The following SLC7A9 variants were observed in gnomAD, a reference collection of about 807,000 sequenced individuals.
SLC7A9 encodes the protein B(0,+)-type amino acid transporter 1.
A neutral mutation model predicts 54.1 loss-of-function variants in SLC7A9; 38 were observed. The observed-to-expected ratio is 0.70, with a 90% confidence interval of 0.54 to 0.92. The LOEUF is 0.92. Ranked by LOEUF, SLC7A9 falls within the 40% of genes least tolerant of loss-of-function variation. The pLI is 0.00. For synonymous variants in SLC7A9, 264 were observed against 258.9 expected (o/e 1.02, Z -0.19); for missense variants, 537 against 636.1 (o/e 0.84, Z 1.68).
In SLC7A9 at chr19:32,833,343, C is replaced by T; in HGVS notation, c.1225-20G>A. The T allele has an allele frequency of 6.2e-7, 1 of 1,613,258 alleles. No homozygotes were observed. Among genetic ancestry groups the T allele is most frequent in the East Asian group, 2.2e-5 (1 of 44,860 alleles). On this transcript the variant is annotated intron_variant, in intron 11 of 12. Transcript: ENST00000023064. Reference sequence around the variant, plus strand: ...GGGCACCTGGAGACGAAAAACAGGTCATGGGTACCCATTTTCTTTTTGAAA... The same window carrying T: ...GGGCACCTGGAGACGAAAAACAGGTTATGGGTACCCATTTTCTTTTTGAAA...
chr19:32,830,563 A>C lies in SLC7A9; in HGVS notation c.*57T>G. ...GTAAGAAAAAAAGGAAGAAATAACCACAAATATTGCTTAAGAAAATAAATT... is the reference window on the plus strand; with the variant it reads ...GTAAGAAAAAAAGGAAGAAATAACCCCAAATATTGCTTAAGAAAATAAATT... On this transcript the variant is annotated 3_prime_UTR_variant, in exon 13 of 13. Coordinates refer to ENST00000023064, the MANE Select transcript of SLC7A9 (RefSeq NM_014270.5). 1 of 1,326,154 alleles carries C rather than the reference A, an allele frequency of 7.5e-7. No individual in the cohort carries two copies. Among genetic ancestry groups the C allele is most frequent in the Non-Finnish European group, 1.1e-6 (1 of 918,050 alleles). The allele number at this position is 1,326,154 out of a possible 1,614,324, so 82.1% of individuals were successfully genotyped here.
intron 11 of SLC7A9, among the ~76,000 whole-genome samples, chr19:32,834,183 G>GT (rs1318222791): frequency 6.6e-6 from 1 of 152,200 alleles, no homozygotes; most frequent in Non-Finnish European, 1.5e-5. Context: ...CCTGGGAATG[G>GT]GACGCCAGTG....
chr19:32,832,443 T>C (rs7247833), intron 12 of SLC7A9, among the ~76,000 whole-genome samples: 11,923 of 151,638 alleles, frequency 0.079, 850 homozygotes, highest in East Asian at 0.24. Flanking sequence ...AAAAATTAGC[T>C]GGGCGTGGTG....
At chr19:32,866,635 G>A (rs1023640059) in intron 2 of SLC7A9, among the ~76,000 whole-genome samples, 2 of 152,184 alleles carry the variant, frequency 1.3e-5, no homozygotes, top group Admixed American at 1.3e-4. Context: ...TGTGCTCTGT[G>A]GCCACTGGGG....
chr19:32,844,881 A>AAAAAAAAAAAAAAAAAAAAAAAAAAC (rs1968239433), intron 9 of SLC7A9, among the ~76,000 whole-genome samples: 1 of 147,408 alleles, frequency 6.8e-6, no homozygotes, highest in Non-Finnish European at 1.5e-5. Context: ...AAAAAAAAAA[A>AAAAAAAAAAAAAAAAAAAAAAAAAAC]AAGCCAGATG....
intron 9 of SLC7A9, among the ~76,000 whole-genome samples, chr19:32,852,905 CTTT>C (rs56119122): frequency 0.11 from 11,197 of 97,526 alleles, 334 homozygotes; most frequent in Middle Eastern, 0.18. Flanking sequence ...AAGCTATAAA[CTTT>C]TTTTTTTTTT....
chr19:32,831,624 T>C (rs1343205430), intron 12 of SLC7A9, among the ~76,000 whole-genome samples: 1 of 152,188 alleles, frequency 6.6e-6, no homozygotes, highest in East Asian at 1.9e-4. Context: ...TTCCGTCTCT[T>C]TTGATGTACT....
At chr19:32,851,784 A>C (rs1035689755) in intron 9 of SLC7A9, among the ~76,000 whole-genome samples, 10 of 152,218 alleles carry the variant, frequency 6.6e-5, no homozygotes, top group Non-Finnish European at 1.5e-4. Context: ...ATGTCCAACA[A>C]CAATAGACTG....
chr19:32,842,400 C>T, intron 10 of SLC7A9, 83 bp from the exon 11 acceptor site: 1 of 1,375,928 alleles, frequency 7.3e-7, no homozygotes. Flanking sequence ...AGCAGTTTTT[C>T]TTGTGAATAA....
At chr19:32,848,948 T>G (rs1214037121) in intron 9 of SLC7A9, among the ~76,000 whole-genome samples, 5 of 150,906 alleles carry the variant, frequency 3.3e-5, no homozygotes, top group South Asian at 4.2e-4. Context: ...GGTACATAAC[T>G]AAATGAAGGC....
At chr19:32,831,768 T>G (rs577520192) in intron 12 of SLC7A9, among the ~76,000 whole-genome samples, 1 of 152,196 alleles carries the variant, frequency 6.6e-6, no homozygotes, top group African/African-American at 2.4e-5. Flanking sequence ...TTAAAAGGCT[T>G]GGGCCCCAGC....
At chr19:32,837,492 CAAAAAAAAAAA>C (rs57648590) in intron 11 of SLC7A9, among the ~76,000 whole-genome samples, 1 of 54,574 alleles carries the variant, frequency 1.8e-5, no homozygotes, top group East Asian at 3.5e-4. Flanking sequence ...GATTCCATCT[CAAAAAAAAAAA>C]AAAAAAAAAA....
chr19:32,837,699 G>C (rs886755994), intron 11 of SLC7A9, among the ~76,000 whole-genome samples: 3 of 152,070 alleles, frequency 2.0e-5, no homozygotes, highest in African/African-American at 7.2e-5. Flanking sequence ...GACGTGAGAC[G>C]CTTACACCTC....
chr19:32,835,976 A>G (rs1486102651), intron 11 of SLC7A9, among the ~76,000 whole-genome samples: 1 of 151,804 alleles, frequency 6.6e-6, no homozygotes, highest in African/African-American at 2.4e-5. Flanking sequence ...GTGCAGTGGC[A>G]CAATCTCGGC....
rs566934114 is a variant in SLC7A9, at chr19:32,851,162, A to G, written c.978-7211T>C. ...CCAAAAGCAATGGCAACAAAAGCCA[A>G]AATTGACAAATGGGATCTAATTAAA... On this transcript the variant is annotated intron_variant, in intron 9 of 12. Coordinates refer to ENST00000023064, the MANE Select transcript of SLC7A9 (RefSeq NM_014270.5). Among the ~76,000 whole-genome samples, 97 of 152,320 alleles carry G rather than the reference A, an allele frequency of 6.4e-4. No homozygotes were observed. In the East Asian group the frequency reaches 0.012, roughly 19 times the overall value.
At chr19:32,866,498 C>T (rs1225449050) in intron 2 of SLC7A9, among the ~76,000 whole-genome samples, 1 of 152,196 alleles carries the variant, frequency 6.6e-6, no homozygotes, top group Admixed American at 6.5e-5. Flanking sequence ...GATCATGACT[C>T]ACTGCAGCCT....
At chr19:32,833,826 G>A (rs1156585998) in intron 11 of SLC7A9, among the ~76,000 whole-genome samples, 2 of 151,926 alleles carry the variant, frequency 1.3e-5, no homozygotes, top group Non-Finnish European at 2.9e-5. Context: ...TAGATAAACT[G>A]TTTAATGTTT....
chr19:32,833,268 G>T lies in SLC7A9; in HGVS notation c.1280C>A (p.Ala427Asp). ...MTLISVFLVL[A>D]PIISKPTWEY... ...CCAGGTGGGCTTGCTGATGATTGGAGCCAGAACCAAAAACACAGAGATGAG... is the reference window on the plus strand; with the variant it reads ...CCAGGTGGGCTTGCTGATGATTGGATCCAGAACCAAAAACACAGAGATGAG... The change falls in exon 12 of 13, where the codon GCT becomes GAT. Residue 427 changes from alanine to aspartate, a missense_variant. Ala to Asp is a moderately radical substitution (Grantham distance 126). Transcript: ENST00000023064. The T allele has an allele frequency of 6.2e-7, 1 of 1,614,188 alleles. No homozygotes were observed.
chr19:32,836,482 T>C (rs1967962689), intron 11 of SLC7A9, among the ~76,000 whole-genome samples: 1 of 152,244 alleles, frequency 6.6e-6, no homozygotes, highest in Admixed American at 6.5e-5. Flanking sequence ...TTGGTTGTTT[T>C]GATTTCTGGG....
Sources: allele counts gnomAD v4.1 joint callset (sites outside exome capture counted in the v4.1 genomes callset), GRCh38; gene constraint gnomAD v4.1.1; transcripts MANE v1.5; gene names NCBI Gene and HGNC (gene_info 2026-07-23, HGNC 2026-07-21).